The following TEX2 variants were observed in gnomAD, a reference collection of about 807,000 sequenced individuals.
TEX2 encodes the protein testis expressed 2.
In TEX2, 53 loss-of-function variants were observed where a neutral mutation model predicts 106.9. The observed-to-expected ratio is 0.50, with a 90% CI of 0.40 to 0.62. TEX2 has a LOEUF of 0.62. Among genes scored for constraint, TEX2 ranks in the 20% least tolerant of loss-of-function variants. TEX2 has a pLI of 0.00. For synonymous variants in TEX2, 523 were observed against 534.8 expected, an observed-to-expected ratio of 0.98 and a Z score of 0.30; for missense variants, 1,207 against 1,379.0, an observed-to-expected ratio of 0.88 and a Z score of 1.98.
chr17:64,216,081 T>C (rs1055630398), intron 1 of TEX2, among the ~76,000 whole-genome samples: 9 of 152,184 alleles, frequency 5.9e-5, no homozygotes, highest in African/African-American at 2.2e-4. Context: ...CCAGGCTCAT[T>C]TGTGACCCTC....
At chr17:64,158,771 A>C (rs528087192) in intron 8 of TEX2, among the ~76,000 whole-genome samples, 1 of 152,248 alleles carries the variant, frequency 6.6e-6, no homozygotes, top group East Asian at 1.9e-4. Flanking sequence ...AGGTTCCCGA[A>C]AGGGTCCTTT....
At chr17:64,238,406 T>G (rs1227114167) in intron 1 of TEX2, among the ~76,000 whole-genome samples, 1 of 152,242 alleles carries the variant, frequency 6.6e-6, no homozygotes, top group Non-Finnish European at 1.5e-5. Context: ...CATCTACTAT[T>G]CAAGATAAAA....
intron 10 of TEX2, among the ~76,000 whole-genome samples, chr17:64,151,852 G>A (rs1299101238): frequency 6.6e-6 from 1 of 152,156 alleles, no homozygotes; most frequent in Non-Finnish European, 1.5e-5. Context: ...AGGTTTGAAA[G>A]ACCATACAAT....
intron 7 of TEX2, among the ~76,000 whole-genome samples, chr17:64,165,354 C>A (rs2031079202): frequency 6.6e-6 from 1 of 152,288 alleles, no homozygotes; most frequent in East Asian, 1.9e-4. Context: ...AGAGCTCCAC[C>A]CCTTCAAGGT....
At chr17:64,163,777 G>A (rs539585605) in intron 7 of TEX2, among the ~76,000 whole-genome samples, 9 of 152,316 alleles carry the variant, frequency 5.9e-5, no homozygotes, top group African/African-American at 1.7e-4. Context: ...ATGAGCACAC[G>A]GGGACATACA....
intron 4 of TEX2, among the ~76,000 whole-genome samples, chr17:64,189,710 G>C (rs749194552): frequency 6.6e-6 from 1 of 152,096 alleles, no homozygotes; most frequent in Non-Finnish European, 1.5e-5. Flanking sequence ...GGCTGGGCGC[G>C]GTGGCTCACG....
intron 8 of TEX2, among the ~76,000 whole-genome samples, chr17:64,160,333 A>G (rs1432188851): frequency 2.0e-5 from 3 of 152,218 alleles, no homozygotes; most frequent in African/African-American, 7.2e-5. Flanking sequence ...ATTTAGGGAA[A>G]ATGCTTCTCA....
intron 6 of TEX2, among the ~76,000 whole-genome samples, chr17:64,176,011 C>G (rs1157001763): frequency 1.3e-5 from 2 of 152,210 alleles, no homozygotes; most frequent in African/African-American, 4.8e-5. Flanking sequence ...GACACTGCAT[C>G]TCCCAACACA....
chr17:64,164,399 C>T (rs1295053452), intron 7 of TEX2, among the ~76,000 whole-genome samples: 1 of 151,680 alleles, frequency 6.6e-6, no homozygotes, highest in African/African-American at 2.4e-5. Flanking sequence ...GATCGCCCTA[C>T]TGCACTCTAG....
chr17:64,189,252 C>T (rs969146887), intron 4 of TEX2, among the ~76,000 whole-genome samples: 1 of 152,210 alleles, frequency 6.6e-6, no homozygotes, highest in African/African-American at 2.4e-5. Context: ...AATTGTAGCA[C>T]AACTAAGGGA....
chr17:64,156,331 C>A (rs963474851), intron 8 of TEX2: 4 of 152,402 alleles, frequency 2.6e-5, no homozygotes, highest in South Asian at 2.1e-4. Context: ...TCCCTACCCC[C>A]ACTCTGAAAC....
chr17:64,181,681 ATTTTTTG>A (rs2031870133), intron 5 of TEX2, among the ~76,000 whole-genome samples: 1 of 151,512 alleles, frequency 6.6e-6, no homozygotes, highest in African/African-American at 2.4e-5. Context: ...CGCCTGGCTA[ATTTTTTG>A]TATTTTTAGT....
At position 64,213,264 on chromosome 17, in the gene TEX2, G is replaced by T. The variant is rs147285766; in HGVS notation, c.954C>A (p.Pro318=). 273 of 1,614,140 alleles carry T rather than the reference G, an allele frequency of 1.7e-4. No individual in the cohort carries two copies. In the East Asian group the frequency reaches 3.8e-3, roughly 23 times the overall value. The change falls in exon 2 of 12, where the codon CCC becomes CCA. Residue 318 remains proline (P), a synonymous_variant. Coordinates refer to ENST00000584379, the MANE Select transcript of TEX2 (RefSeq NM_001288732.2). The surrounding 1 kb of genome is among the most constrained non-coding windows in gnomAD (Gnocchi z 4.4). ...CTGAAGCACTTGAAGATAAGGCTTT[G>T]GGCCTATGGCTGCCACTTTCTTCCC... The part of the protein sequence containing the change: ...IIGEESGSHR[P]KALSSSASEL...
rs782037562 is a variant in TEX2 at position 64,212,903 on chromosome 17, G to T, written c.1315C>A (p.Leu439Ile). Reference protein sequence around the residue: ...ETEGESKVDKLSDIPLKPEVL... With the variant: ...ETEGESKVDKISDIPLKPEVL... ...TCTGGCTTGAGAGGAATATCTGAGA[G>T]CTTATCAACTTTACTCTCCCCCTCC... is the stretch of plus-strand genomic sequence containing the variant. Residue 439 changes from leucine to isoleucine, a missense_variant, in exon 2 of 12, where the codon CTC (leucine) becomes ATC (isoleucine). Coordinates refer to ENST00000584379, the MANE Select transcript of TEX2 (RefSeq NM_001288732.2). 6.2e-7 allele frequency: 1 copy of T among 1,614,180 alleles called. No homozygotes were observed. The highest frequency in any genetic ancestry group is 1.7e-5 in the Admixed American group (1 of 60,026).
chr17:64,152,046 C>T (rs1335627473), intron 10 of TEX2, among the ~76,000 whole-genome samples: 1 of 152,134 alleles, frequency 6.6e-6, no homozygotes, highest in Non-Finnish European at 1.5e-5. Flanking sequence ...TTAGTCAATT[C>T]AAAACCCCTC....
intron 1 of TEX2, among the ~76,000 whole-genome samples, chr17:64,259,663 C>A (rs1471054071): frequency 6.6e-6 from 1 of 152,200 alleles, no homozygotes; most frequent in Non-Finnish European, 1.5e-5. Context: ...GCAAATCTTA[C>A]GAGATGCTTC....
In TEX2 at chr17:64,149,058, A is replaced by G. The variant is rs1389523600; in HGVS notation, c.3295T>C (p.Tyr1099His). 6.2e-7 allele frequency: 1 copy of G among 1,614,132 alleles called. No homozygotes were observed. The highest frequency in any genetic ancestry group is 2.2e-5 in the East Asian group (1 of 44,878). The part of the protein sequence containing the change: ...VFVMPNMDDV[Y>H]ITIMHSAMDP... Reference sequence around the variant, plus strand: ...ATGGCTGAGTGCATTATAGTGATATAAACATCATCCATGTTTGGCATGACA... The same window carrying G: ...ATGGCTGAGTGCATTATAGTGATATGAACATCATCCATGTTTGGCATGACA... Residue 1099 changes from tyrosine to histidine, a missense_variant, in exon 12 of 12, where the codon TAT becomes CAT. Tyr to His is a moderately conservative substitution (Grantham distance 83). This residue lies in a region of TEX2 where 77 missense variants were observed against 73.2 expected (regional missense o/e 1.05). Transcript: ENST00000584379.
intron 2 of TEX2, among the ~76,000 whole-genome samples, chr17:64,203,463 C>T (rs1164956281): frequency 6.6e-6 from 1 of 152,192 alleles, no homozygotes; most frequent in African/African-American, 2.4e-5. Context: ...AAAACATAAG[C>T]AGGATTTTGT....
At chr17:64,221,707 G>A (rs562726136) in intron 1 of TEX2, among the ~76,000 whole-genome samples, 11 of 152,140 alleles carry the variant, frequency 7.2e-5, no homozygotes, top group African/African-American at 2.6e-4. Flanking sequence ...TTGAAAGCAG[G>A]GTCTCAAAAA....
Sources: allele counts gnomAD v4.1 joint callset (sites outside exome capture counted in the v4.1 genomes callset), GRCh38; gene constraint gnomAD v4.1.1; regional missense constraint gnomAD v4.1.1; non-coding constraint Gnocchi (gnomAD v3.1); transcripts MANE v1.5; gene names NCBI Gene and HGNC (gene_info 2026-07-23, HGNC 2026-07-21).